NPAS3: variants seen among roughly 807,000 people sequenced by gnomAD.
NPAS3 encodes neuronal PAS domain-containing protein 3.
Under a neutral mutation model 73.1 loss-of-function variants are expected in NPAS3, and 14 were observed. The observed-to-expected ratio is 0.19, with a 90% confidence interval of 0.13 to 0.30. The LOEUF is 0.30. Among genes scored for constraint, NPAS3 ranks in the 10% least tolerant of loss-of-function variants. The probability of loss-of-function intolerance (pLI) is 1.00; values close to 1 mark genes in which losing one functional copy is unlikely to be tolerated. For missense variants in NPAS3, 1,096 were observed against 1,250.0 expected (o/e 0.88, Z 1.86); for synonymous variants, 620 against 541.5 (o/e 1.14, Z -2.01).
At chr14:33,083,820 A>G (rs984151050) in intron 2 of NPAS3, among the ~76,000 whole-genome samples, 1 of 152,148 alleles carries the variant, frequency 6.6e-6, no homozygotes, top group African/African-American at 2.4e-5. Flanking sequence ...CTGGGTAAGG[A>G]TGTTAATGAC....
chr14:33,762,000 C>G (rs2062307752), intron 7 of NPAS3, among the ~76,000 whole-genome samples: 1 of 152,176 alleles, frequency 6.6e-6, no homozygotes, highest in South Asian at 2.1e-4. Flanking sequence ...GATGCTTCTC[C>G]AAATTTAAAC....
At chr14:33,757,945 G>A (rs1345088913) in intron 7 of NPAS3, among the ~76,000 whole-genome samples, 1 of 152,160 alleles carries the variant, frequency 6.6e-6, no homozygotes, top group African/African-American at 2.4e-5. Flanking sequence ...GATGGACTCT[G>A]AGCTCCTTGG....
chr14:33,609,140 C>A (rs566244264), intron 5 of NPAS3, among the ~76,000 whole-genome samples: 1 of 151,806 alleles, frequency 6.6e-6, no homozygotes, highest in Non-Finnish European at 1.5e-5. Flanking sequence ...CTCATTCTCT[C>A]GTTAAATTAT....
At chr14:33,288,859 T>A (rs2041983292) in intron 3 of NPAS3, among the ~76,000 whole-genome samples, 1 of 152,178 alleles carries the variant, frequency 6.6e-6, no homozygotes, top group Non-Finnish European at 1.5e-5. Flanking sequence ...ACATTTAAAA[T>A]TATTATGGAA....
intron 2 of NPAS3, among the ~76,000 whole-genome samples, chr14:33,138,444 T>C (rs897233488): frequency 4.6e-5 from 7 of 152,100 alleles, no homozygotes; most frequent in African/African-American, 1.7e-4. Flanking sequence ...AAAGGATTGG[T>C]TTAATTCTTC....
chr14:33,328,656 A>G (rs1458481457), intron 3 of NPAS3, among the ~76,000 whole-genome samples: 2 of 150,996 alleles, frequency 1.3e-5, no homozygotes, highest in Non-Finnish European at 3.0e-5. Flanking sequence ...ACGGGGTTTC[A>G]CTGTGTTAGC....
chr14:33,515,445 A>G (rs2053252403), intron 4 of NPAS3, among the ~76,000 whole-genome samples: 2 of 152,090 alleles, frequency 1.3e-5, no homozygotes, highest in Admixed American at 1.3e-4. Context: ...CCAAGGGTTT[A>G]TGACCTGTAA....
In NPAS3 at chr14:33,498,933, AGAGTGT is replaced by A. The variant is rs1180363612; in HGVS notation, c.469-61186_469-61181del. On this transcript the variant is annotated intron_variant, in intron 4 of 11. Coordinates refer to ENST00000356141, the Ensembl canonical transcript of NPAS3. ...ATGAATGAGAGAGAGAGACAGAGAG[AGAGTGT>A]GTGTGTGTGTGTGTGTGTGTGTGTG... is the stretch of plus-strand genomic sequence containing the variant. 1.1e-3 allele frequency among the ~76,000 whole-genome samples: 85 copies of A among 76,978 alleles called. 1 individual carries two copies. Among genetic ancestry groups the A allele is most frequent in the African/African-American group, 4.2e-3 (77 of 18,190 alleles). 50.5% of individuals were successfully genotyped at this position (76,978 alleles called of 152,430 possible).
intron 5 of NPAS3, among the ~76,000 whole-genome samples, chr14:33,668,106 A>G (rs1198611581): frequency 4.6e-5 from 7 of 152,206 alleles, no homozygotes; most frequent in African/African-American, 1.2e-4. Context: ...CTCCAATCCG[A>G]ACAAGATCCT....
At chr14:33,169,519 G>A (rs1006493635) in intron 2 of NPAS3, among the ~76,000 whole-genome samples, 1 of 152,186 alleles carries the variant, frequency 6.6e-6, no homozygotes, top group Non-Finnish European at 1.5e-5. Context: ...AGTGAGCCGA[G>A]ATCATGCCAC....
intron 5 of NPAS3, among the ~76,000 whole-genome samples, chr14:33,572,825 C>G (rs972134590): frequency 6.6e-6 from 1 of 151,992 alleles, no homozygotes; most frequent in Non-Finnish European, 1.5e-5. Context: ...GAGATCGAGA[C>G]CAGCCTGGCC....
At chr14:33,043,333 C>G (rs576808813) in intron 1 of NPAS3, among the ~76,000 whole-genome samples, 1 of 152,202 alleles carries the variant, frequency 6.6e-6, no homozygotes, top group Admixed American at 6.5e-5. Context: ...CAATTAAATT[C>G]TCCTTAGTAG....
At chr14:33,075,152 A>G (rs2041615175) in intron 2 of NPAS3, among the ~76,000 whole-genome samples, 1 of 152,178 alleles carries the variant, frequency 6.6e-6, no homozygotes, top group African/African-American at 2.4e-5. Context: ...AAACAATTTA[A>G]GGTCTTACAA....
chr14:33,205,812 C>T (rs1328063801), intron 2 of NPAS3, among the ~76,000 whole-genome samples: 1 of 152,186 alleles, frequency 6.6e-6, no homozygotes, highest in East Asian at 1.9e-4. Flanking sequence ...AGCACGCTTT[C>T]TCCCTTCCAA....
chr14:33,800,341 C>T lies in NPAS3; in HGVS notation c.2034C>T (p.Ser678=). 1 of 1,613,044 alleles carries T rather than the reference C, an allele frequency of 6.2e-7. No homozygotes were observed. The highest frequency in any genetic ancestry group is 8.5e-7 in the Non-Finnish European group (1 of 1,179,524). ...ACCGGGAGATCTCCAGGAACGAGTC[C>T]CCCTACAGCATGACCAAGCCCCCCA... Residue 678 remains serine, a synonymous_variant, in exon 12 of 12, where the codon TCC becomes TCT. Transcript: ENST00000356141. This position sits in a 1 kb window ranked among gnomAD's most constrained non-coding sequence, Gnocchi z 6.5.
At chr14:33,778,820 T>C (rs1435873569) in intron 9 of NPAS3, among the ~76,000 whole-genome samples, 3 of 152,234 alleles carry the variant, frequency 2.0e-5, no homozygotes, top group African/African-American at 7.2e-5. Flanking sequence ...TGGTGTCTTT[T>C]GCTGTCTCTC....
chr14:33,730,083 A>C (rs868329843), intron 6 of NPAS3, among the ~76,000 whole-genome samples: 36 of 152,168 alleles, frequency 2.4e-4, no homozygotes, highest in African/African-American at 8.7e-4. Context: ...CAGAATAAAG[A>C]TTCTATCAAT....
intron 4 of NPAS3, among the ~76,000 whole-genome samples, chr14:33,462,433 A>T (rs113082924): frequency 6.6e-6 from 1 of 152,144 alleles, no homozygotes; most frequent in Admixed American, 6.5e-5. Context: ...AGTGGAAATG[A>T]CATGTTTCCT....
intron 4 of NPAS3, among the ~76,000 whole-genome samples, chr14:33,514,653 T>C (rs1011405574): frequency 2.6e-5 from 4 of 152,058 alleles, no homozygotes; most frequent in African/African-American, 9.6e-5. Context: ...AATTATATCA[T>C]GAAATAAAAC....
Sources: allele counts gnomAD v4.1 joint callset (sites outside exome capture counted in the v4.1 genomes callset), GRCh38; gene constraint gnomAD v4.1.1; non-coding constraint Gnocchi (gnomAD v3.1); transcripts MANE v1.5; gene names NCBI Gene and HGNC (gene_info 2026-07-23, HGNC 2026-07-21).